The following SNAPC3 variants were observed in gnomAD, a reference collection of about 807,000 sequenced individuals.
The protein encoded by SNAPC3 is small nuclear RNA activating complex polypeptide 3, also known as snRNA-activating protein complex subunit 3.
A neutral mutation model predicts 47.7 loss-of-function variants in SNAPC3; 56 were observed. That is an observed-to-expected ratio of 1.18 (90% confidence interval 0.95 to 1.47). The LOEUF (loss-of-function observed/expected upper bound fraction) is 1.47, where lower values mean the gene tolerates loss of function less well. Ranked by LOEUF, SNAPC3 falls within the 40% of genes most tolerant of loss-of-function variation. SNAPC3 has a pLI of 0.00. For synonymous variants in SNAPC3, 235 were observed against 189.9 expected (o/e 1.24, Z -1.95); for missense variants, 665 against 511.3 (o/e 1.30, Z -2.90).
Position 15,453,183 on chromosome 9 carries a change from G to A in SNAPC3, c.958G>A (p.Val320Ile). The A allele has an allele frequency of 6.2e-7, 1 of 1,612,578 alleles. No individual in the cohort carries two copies. The highest frequency in any genetic ancestry group is 8.5e-7 in the Non-Finnish European group (1 of 1,179,136). The part of the protein sequence containing the change: ...LYCHQGDCEH[V>I]IVITDIRLVH... Reference sequence around the variant, plus strand: ...CTGTCATCAGGGAGACTGTGAACATGTCATTGTCATTACTGACATAAGGTA... The same window carrying A: ...CTGTCATCAGGGAGACTGTGAACATATCATTGTCATTACTGACATAAGGTA... The change falls in exon 7 of 9, where the codon GTC becomes ATC. Residue 320 changes from valine to isoleucine, a missense_variant. Transcript: ENST00000380821.
At chr9:15,424,234 C>G (rs939977822) in intron 2 of SNAPC3, among the ~76,000 whole-genome samples, 1 of 152,120 alleles carries the variant, frequency 6.6e-6, no homozygotes, top group Admixed American at 6.5e-5. Context: ...AAGCATATAG[C>G]TTCTAAAAGT....
At chr9:15,438,576 C>A (rs2033037566) in intron 3 of SNAPC3, among the ~76,000 whole-genome samples, 2 of 152,128 alleles carry the variant, frequency 1.3e-5, no homozygotes, top group East Asian at 3.9e-4. Flanking sequence ...AGTTATACAG[C>A]CATAACTTTT....
downstream of SNAPC3, chr9:15,465,430 C>T: frequency 8.5e-7 from 1 of 1,173,264 alleles, no homozygotes; most frequent in Admixed American, 2.4e-5. Flanking sequence ...CAAACCTATG[C>T]TTATAAAAAT....
At chr9:15,453,305 A>G (rs1336483811) in intron 7 of SNAPC3, 100 bp downstream of exon 7, 13 of 920,330 alleles carry the variant, frequency 1.4e-5, no homozygotes, top group Non-Finnish European at 1.9e-5. Context: ...GAGTAAAAGT[A>G]ATAACCATTG....
chr9:15,428,036 G>T (rs1002363387), intron 2 of SNAPC3, among the ~76,000 whole-genome samples: 1 of 150,128 alleles, frequency 6.7e-6, no homozygotes, highest in Non-Finnish European at 1.5e-5. Context: ...ACTTGAACCC[G>T]GGAGGTGGAG....
rs778240968 is a variant in SNAPC3 at position 15,459,824 on chromosome 9, A to G, written c.1194A>G (p.Glu398=). ...ATTCAGAAGGCAACAAACTGGGGGA[A>G]TTCCTTGCTTATCCTTATGTTGATC... is the stretch of plus-strand genomic sequence containing the variant. ...HYDSEGNKLG[E]FLAYPYVDPG... Residue 398 remains glutamate, a synonymous_variant, in exon 9 of 9, where the codon GAA becomes GAG. Transcript: ENST00000380821. 3 of 1,613,666 alleles carry G rather than the reference A, an allele frequency of 1.9e-6. No homozygotes were observed. The highest frequency in any genetic ancestry group is 4.5e-5 in the East Asian group (2 of 44,868).
chr9:15,463,020 A>G (rs1034928207), downstream of SNAPC3: 9 of 152,110 alleles, frequency 5.9e-5, no homozygotes, highest in Non-Finnish European at 7.4e-5. Context: ...CACAGACAGC[A>G]GTACTGTATC....
chr9:15,449,089 G>T (rs2034165378), intron 5 of SNAPC3, among the ~76,000 whole-genome samples: 1 of 152,108 alleles, frequency 6.6e-6, no homozygotes, highest in African/African-American at 2.4e-5. Context: ...GGATTACAAG[G>T]TGTGAGCCAC....
At chr9:15,435,652 C>G (rs1027543982) in intron 3 of SNAPC3, among the ~76,000 whole-genome samples, 1 of 151,468 alleles carries the variant, frequency 6.6e-6, no homozygotes, top group Non-Finnish European at 1.5e-5. Flanking sequence ...TCACTAGAAC[C>G]CAGGAGGTGG....
Position 15,422,948 on chromosome 9 carries a change from C to T in SNAPC3, c.69C>T (p.Gly23=). 8 of 1,532,932 alleles carry T rather than the reference C, an allele frequency of 5.2e-6. No individual in the cohort carries two copies. Among genetic ancestry groups the T allele is most frequent in the Non-Finnish European group, 6.1e-6 (7 of 1,144,656 alleles). The allele number at this position is 1,532,932 out of a possible 1,614,324, so 95.0% of individuals were successfully genotyped here. A position where few individuals can be genotyped will look rare whatever the true frequency, so the allele number is the denominator to read the frequency against. Residue 23 remains glycine, a synonymous_variant, in exon 1 of 9, where the codon GGC becomes GGT. Transcript: ENST00000380821. ...GTGGCAGGCAGGACCCAGTCTCCGGCAGTGGCGGCTGCAACTTTCCAGAGT... is the reference window on the plus strand; with the variant it reads ...GTGGCAGGCAGGACCCAGTCTCCGGTAGTGGCGGCTGCAACTTTCCAGAGT... ...GVGGRQDPVS[G]SGGCNFPEYE...
chr9:15,451,845 T>C (rs550542503), intron 6 of SNAPC3, among the ~76,000 whole-genome samples: 26 of 152,338 alleles, frequency 1.7e-4, no homozygotes, highest in East Asian at 1.9e-4. Context: ...GATGGTGATA[T>C]ATATATATTG....
chr9:15,433,271 GAA>G (rs74311447), intron 2 of SNAPC3, among the ~76,000 whole-genome samples: 24 of 119,228 alleles, frequency 2.0e-4, no homozygotes, highest in African/African-American at 6.2e-4. Flanking sequence ...ATCTGGAACA[GAA>G]AAAAAAAAAA....
downstream of SNAPC3, chr9:15,464,864 A>AAATT (rs1317480477): frequency 1.9e-5 from 4 of 210,498 alleles, no homozygotes; most frequent in Admixed American, 1.2e-4. Context: ...TTACCTTCAA[A>AAATT]AATTAATGTT....
intron 3 of SNAPC3, 35 bp from the exon 4 acceptor site, chr9:15,444,567 G>A (rs767549600): frequency 7.7e-7 from 1 of 1,291,290 alleles, no homozygotes; most frequent in South Asian, 1.2e-5. Context: ...CTGAGTTATA[G>A]TATCTGATTT....
At chr9:15,427,919 T>G (rs998608673) in intron 2 of SNAPC3, among the ~76,000 whole-genome samples, 1 of 151,980 alleles carries the variant, frequency 6.6e-6, no homozygotes, top group African/African-American at 2.4e-5. Flanking sequence ...AACAGCAGCT[T>G]GGCCAATATG....
chr9:15,458,074 G>T lies in SNAPC3; in HGVS notation c.1088+7G>T. 1 of 1,393,164 alleles carries T rather than the reference G, an allele frequency of 7.2e-7. No individual in the cohort carries two copies. Among genetic ancestry groups the T allele is most frequent in the Non-Finnish European group, 9.6e-7 (1 of 1,046,036 alleles). 86.3% of individuals were successfully genotyped at this position (1,393,164 alleles called of 1,614,324 possible). A position where few individuals can be genotyped will look rare whatever the true frequency, so the allele number is the denominator to read the frequency against. ...GTAAAATGTATACAGCCAGGTGAGT[G>T]ATAATGTATTTTTTTTTTTCTCTGA... On this transcript the variant is annotated splice_region_variant and intron_variant, in intron 8 of 8. Transcript: ENST00000380821.
At chr9:15,442,296 GC>G (rs2033502966) in intron 3 of SNAPC3, among the ~76,000 whole-genome samples, 1 of 147,898 alleles carries the variant, frequency 6.8e-6, no homozygotes, top group Non-Finnish European at 1.5e-5. Context: ...GGCGGGGGCT[GC>G]CCCCCACCTC....
rs2035105772 is a variant in SNAPC3 at position 15,460,251 on chromosome 9, G to C, written c.*385G>C. 6.5e-6 allele frequency: 1 copy of C among 154,326 alleles called. No individual in the cohort carries two copies. The highest frequency in any genetic ancestry group is 2.4e-5 in the African/African-American group (1 of 41,512). The allele number at this position is 154,326 out of a possible 1,614,324, so 9.6% of individuals were successfully genotyped here. A position where few individuals can be genotyped will look rare whatever the true frequency, so the allele number is the denominator to read the frequency against. On this transcript the variant is annotated 3_prime_UTR_variant, in exon 9 of 9. Transcript: ENST00000380821. ...ATTATTAATGATACATCAAGTAGTGGAAGTGTTTTGAAAATTCTTTGAAGA... is the reference window on the plus strand; with the variant it reads ...ATTATTAATGATACATCAAGTAGTGCAAGTGTTTTGAAAATTCTTTGAAGA...
intron 3 of SNAPC3, among the ~76,000 whole-genome samples, chr9:15,434,562 C>T (rs1056261696): frequency 3.9e-5 from 6 of 152,116 alleles, no homozygotes; most frequent in Non-Finnish European, 7.4e-5. Context: ...TGCCTGCCAC[C>T]ATGCCTGGCT....
Sources: allele counts gnomAD v4.1 joint callset (sites outside exome capture counted in the v4.1 genomes callset), GRCh38; gene constraint gnomAD v4.1.1; transcripts MANE v1.5; gene names NCBI Gene and HGNC (gene_info 2026-07-23, HGNC 2026-07-21).